The following TCF7L2 variants were observed in gnomAD, a reference collection of about 807,000 sequenced individuals.
TCF7L2 encodes the protein transcription factor 7-like 2.
A neutral mutation model predicts 77.9 loss-of-function variants in TCF7L2; 23 were observed. The observed-to-expected ratio is 0.30, with a 90% CI of 0.21 to 0.42. TCF7L2 has a LOEUF of 0.42. Among genes scored for constraint, TCF7L2 ranks in the 10% least tolerant of loss-of-function variants. TCF7L2 has a pLI of 1.00. For synonymous variants in TCF7L2, 413 were observed against 340.2 expected (o/e 1.21, Z -2.36); for missense variants, 654 against 793.1 (o/e 0.82, Z 2.11).
chr10:113,038,733 C>A (rs2051848373), intron 4 of TCF7L2, among the ~76,000 whole-genome samples: 1 of 152,042 alleles, frequency 6.6e-6, no homozygotes, highest in Non-Finnish European at 1.5e-5. Context: ...GTCCCTGAGT[C>A]TCTGTCACAG....
intron 4 of TCF7L2, among the ~76,000 whole-genome samples, chr10:112,993,394 T>G (rs2042931397): frequency 1.3e-5 from 2 of 151,882 alleles, no homozygotes; most frequent in Non-Finnish European, 2.9e-5. Flanking sequence ...TAGTCCCACC[T>G]ACTCGAGAGG....
chr10:113,111,333 T>TC (rs1197959860), intron 5 of TCF7L2, among the ~76,000 whole-genome samples: 3 of 152,166 alleles, frequency 2.0e-5, no homozygotes, highest in Non-Finnish European at 4.4e-5. Flanking sequence ...TATCTATCTA[T>TC]CCCTAGTGCC....
At chr10:113,159,947 C>T (rs1170570391) in intron 12 of TCF7L2, 1 of 1,605,950 alleles carries the variant, frequency 6.2e-7, no homozygotes, top group East Asian at 2.3e-5. Flanking sequence ...AAATGCCGAG[C>T]GCGCTTTGGC....
intron 5 of TCF7L2, among the ~76,000 whole-genome samples, chr10:113,110,897 C>T (rs1424873579): frequency 6.6e-6 from 1 of 152,152 alleles, no homozygotes; most frequent in Non-Finnish European, 1.5e-5. Context: ...TAGCCAACAG[C>T]TCTGAGTTTA....
At chr10:112,965,410 T>C (rs911706546) in intron 4 of TCF7L2, among the ~76,000 whole-genome samples, 1 of 152,260 alleles carries the variant, frequency 6.6e-6, no homozygotes, top group Non-Finnish European at 1.5e-5. Flanking sequence ...CTGGGATGGA[T>C]GTACCTCATG....
chr10:112,980,131 T>C (rs1490878610), intron 4 of TCF7L2, among the ~76,000 whole-genome samples: 1 of 152,206 alleles, frequency 6.6e-6, no homozygotes, highest in African/African-American at 2.4e-5. Flanking sequence ...AGGTTTATAC[T>C]CCTGAGGGTG....
At chr10:113,090,679 C>G (rs1219614711) in intron 5 of TCF7L2, among the ~76,000 whole-genome samples, 1 of 152,192 alleles carries the variant, frequency 6.6e-6, no homozygotes, top group Non-Finnish European at 1.5e-5. Context: ...GGCGCAATCT[C>G]AGCTCACTGC....
intron 5 of TCF7L2, among the ~76,000 whole-genome samples, chr10:113,113,369 C>A (rs941193043): frequency 2.0e-5 from 3 of 152,158 alleles, no homozygotes; most frequent in Non-Finnish European, 4.4e-5. Flanking sequence ...CTTAATTCTT[C>A]CCCCGCACCT....
In TCF7L2 at chr10:112,983,487, A is replaced by T. The variant is rs573545455; in HGVS notation, c.450+18863A>T. Among the ~76,000 whole-genome samples, 433 of 151,708 alleles carry T rather than the reference A, an allele frequency of 2.9e-3. 1 individual carries two copies. Among genetic ancestry groups the T allele is most frequent in the African/African-American group, 6.9e-3 (285 of 41,484 alleles). On this transcript the variant is annotated intron_variant, in intron 4 of 13. Transcript: ENST00000627217. ...GAGACTCTGTCTCAAATAAATAAAT[A>T]AATAAATTAATTAATTAAAAAGTCA...
chr10:113,054,976 T>C (rs1564832925), intron 5 of TCF7L2, among the ~76,000 whole-genome samples: 1 of 152,222 alleles, frequency 6.6e-6, no homozygotes, highest in East Asian at 1.9e-4. Context: ...CTGTAGTATT[T>C]ATTGTATGCA....
chr10:113,121,419 C>T (rs890711479), intron 5 of TCF7L2, among the ~76,000 whole-genome samples: 5 of 152,190 alleles, frequency 3.3e-5, no homozygotes, highest in African/African-American at 7.2e-5. Context: ...GCTCTTTGAG[C>T]GCCAGCACTG....
At chr10:112,951,735 C>T (rs1300938130) in intron 3 of TCF7L2, 128 bp downstream of exon 3, 1 of 350,892 alleles carries the variant, frequency 2.8e-6, no homozygotes, top group South Asian at 1.1e-4. Context: ...TCCCTCCCTC[C>T]CCTCCCCCGC....
intron 4 of TCF7L2, among the ~76,000 whole-genome samples, chr10:113,038,432 G>C (rs1347933085): frequency 6.6e-6 from 1 of 152,138 alleles, no homozygotes; most frequent in Non-Finnish European, 1.5e-5. Context: ...AAAATCGACT[G>C]TGTACTTTGG....
At position 113,166,921 on chromosome 10, in the gene TCF7L2, T is replaced by C; in HGVS notation, c.*949T>C. ...ACAAAAGTTGCTTTAAAAGCCATTA[T>C]GTAAAACAAGACTTGAAAATGAGTG... On this transcript the variant is annotated 3_prime_UTR_variant, in exon 14 of 14. Transcript: ENST00000627217. 2 of 230,880 alleles carry C rather than the reference T, an allele frequency of 8.7e-6. No individual in the cohort carries two copies. Among genetic ancestry groups the C allele is most frequent in the East Asian group, 6.2e-5 (1 of 16,212 alleles). The allele number at this position is 230,880 out of a possible 1,614,324, so 14.3% of individuals were successfully genotyped here. A position where few individuals can be genotyped will look rare whatever the true frequency, so the allele number is the denominator to read the frequency against.
At chr10:113,034,506 A>G (rs945034148) in intron 4 of TCF7L2, among the ~76,000 whole-genome samples, 2 of 152,188 alleles carry the variant, frequency 1.3e-5, no homozygotes, top group Non-Finnish European at 2.9e-5. Context: ...CAGAGTATTG[A>G]TTTTGTATTT....
chr10:112,965,312 A>G (rs960133141), intron 4 of TCF7L2, among the ~76,000 whole-genome samples: 1 of 152,174 alleles, frequency 6.6e-6, no homozygotes. Flanking sequence ...ATGGACTAAT[A>G]TAGACTCGGA....
intron 3 of TCF7L2, among the ~76,000 whole-genome samples, chr10:112,955,549 G>A (rs142524749): frequency 2.9e-4 from 44 of 152,314 alleles, no homozygotes; most frequent in African/African-American, 7.9e-4. Flanking sequence ...TCTGGAAGAC[G>A]TGTTTTTGGA....
intron 4 of TCF7L2, among the ~76,000 whole-genome samples, chr10:112,970,703 T>A (rs2038056683): frequency 6.6e-6 from 1 of 151,938 alleles, no homozygotes; most frequent in African/African-American, 2.4e-5. Context: ...CCACTTCAGG[T>A]TTTTGATGAG....
At chr10:113,028,724 A>G (rs2049662892) in intron 4 of TCF7L2, among the ~76,000 whole-genome samples, 1 of 152,190 alleles carries the variant, frequency 6.6e-6, no homozygotes, top group South Asian at 2.1e-4. Context: ...GGGGAAAGAA[A>G]TACAGAATGG....
Sources: gnomAD v4.1 joint callset for allele counts (sites outside exome capture counted in the v4.1 genomes callset) on GRCh38, gnomAD v4.1.1 for gene constraint, MANE v1.5 for transcripts, NCBI Gene and HGNC (gene_info 2026-07-23, HGNC 2026-07-21) for gene names.